The following RAB23 variants were observed in gnomAD, a reference collection of about 807,000 sequenced individuals.
RAB23 encodes the protein RAB23, member RAS oncogene family.
In RAB23, 15 loss-of-function variants were observed where a neutral mutation model predicts 30.0. The ratio of observed to expected loss-of-function variants is 0.50; its 90% CI spans 0.33 to 0.77. RAB23 has a LOEUF of 0.77. Among genes scored for constraint, RAB23 ranks in the 30% least tolerant of loss-of-function variants. The probability of loss-of-function intolerance (pLI) is 0.02; values close to 1 mark genes in which losing one functional copy is unlikely to be tolerated. For synonymous variants in RAB23, 93 were observed against 94.0 expected, an observed-to-expected ratio of 0.99 and a Z score of 0.06; for missense variants, 243 against 275.4, an observed-to-expected ratio of 0.88 and a Z score of 0.83.
chr6:57,208,394 C>T (rs1400097170), intron 2 of RAB23, among the ~76,000 whole-genome samples: 1 of 152,036 alleles, frequency 6.6e-6, no homozygotes, highest in Admixed American at 6.5e-5. Flanking sequence ...CGCCTGTAAT[C>T]CCAGCAATCT....
chr6:57,203,364 C>T (rs1314179529), intron 3 of RAB23, among the ~76,000 whole-genome samples: 1 of 152,020 alleles, frequency 6.6e-6, no homozygotes, highest in East Asian at 1.9e-4. Context: ...AAAAATAACC[C>T]TATTGGTTAA....
At chr6:57,195,845 T>C (rs1027635340) in intron 4 of RAB23, among the ~76,000 whole-genome samples, 5 of 152,214 alleles carry the variant, frequency 3.3e-5, no homozygotes, top group African/African-American at 7.2e-5. Context: ...TAATAGATGT[T>C]TGTTGTTTTA....
chr6:57,205,944 G>A (rs942688519), intron 3 of RAB23, among the ~76,000 whole-genome samples: 3 of 152,200 alleles, frequency 2.0e-5, no homozygotes, highest in African/African-American at 7.2e-5. Context: ...GTTAAGGCAA[G>A]AGAAAACACA....
intron 1 of RAB23, among the ~76,000 whole-genome samples, chr6:57,218,060 A>G (rs1765914358): frequency 6.6e-6 from 1 of 152,208 alleles, no homozygotes; most frequent in Admixed American, 6.5e-5. Flanking sequence ...CCCTATAACT[A>G]TGAAGGAAAT....
At chr6:57,217,213 C>CAAAAAA (rs759917434) in intron 1 of RAB23, among the ~76,000 whole-genome samples, 1 of 58,526 alleles carries the variant, frequency 1.7e-5, no homozygotes, top group African/African-American at 6.4e-5. Context: ...ACAAGGAAAG[C>CAAAAAA]AAAAAAAAAA....
rs1014934045 is a variant in RAB23, at chr6:57,188,860, C to T, written c.*1601G>A. On this transcript the variant is annotated 3_prime_UTR_variant, in exon 7 of 7. Transcript: ENST00000468148. ...TACTTTTGATCACTTAACAAGGACACACCCAGGAAATTTGATTTTCTCAAC... is the reference window on the plus strand; with the variant it reads ...TACTTTTGATCACTTAACAAGGACATACCCAGGAAATTTGATTTTCTCAAC... 1.3e-5 allele frequency: 2 copies of T among 152,026 alleles called. No homozygotes were observed. The highest frequency in any genetic ancestry group is 2.1e-4 in the South Asian group (1 of 4,820). 9.4% of individuals were successfully genotyped at this position (152,026 alleles called of 1,614,324 possible). A position where few individuals can be genotyped will look rare whatever the true frequency, so the allele number is the denominator to read the frequency against.
chr6:57,188,867 G>A lies in RAB23; in HGVS notation c.*1594C>T, dbSNP rs1207445849. ...GATCACTTAACAAGGACACACCCAGGAAATTTGATTTTCTCAACATTAGGA... is the reference window on the plus strand; with the variant it reads ...GATCACTTAACAAGGACACACCCAGAAAATTTGATTTTCTCAACATTAGGA... On this transcript the variant is annotated 3_prime_UTR_variant, in exon 7 of 7. Transcript: ENST00000468148. 1 of 152,038 alleles carries A rather than the reference G, an allele frequency of 6.6e-6. No homozygotes were observed. Among genetic ancestry groups the A allele is most frequent in the African/African-American group, 2.4e-5 (1 of 41,404 alleles). 9.4% of individuals were successfully genotyped at this position (152,038 alleles called of 1,614,324 possible). A position where few individuals can be genotyped will look rare whatever the true frequency, so the allele number is the denominator to read the frequency against.
Position 57,187,959 on chromosome 6 carries a change from A to G in RAB23, c.*2502T>C, listed in dbSNP as rs1056047454. The stretch of plus-strand genomic sequence containing the variant: ...TATATTGCCTTATATGGGTCATTCT[A>G]TATACTATTTAATTCATAGACAGAG... On this transcript the variant is annotated 3_prime_UTR_variant, in exon 7 of 7. Coordinates refer to ENST00000468148, the MANE Select transcript of RAB23 (RefSeq NM_016277.5). The G allele has an allele frequency of 2.6e-5, 4 of 151,236 alleles. No individual in the cohort carries two copies. Among genetic ancestry groups the G allele is most frequent in the African/African-American group, 7.3e-5 (3 of 40,898 alleles). The allele number at this position is 151,236 out of a possible 1,614,324, so 9.4% of individuals were successfully genotyped here. A position where few individuals can be genotyped will look rare whatever the true frequency, so the allele number is the denominator to read the frequency against.
chr6:57,211,292 AAAAAT>A (rs1765642911), intron 1 of RAB23, among the ~76,000 whole-genome samples: 1 of 152,018 alleles, frequency 6.6e-6, no homozygotes, highest in African/African-American at 2.4e-5. Flanking sequence ...TGCCACTAAA[AAAAAT>A]AAAATAAAAT....
In RAB23 at chr6:57,190,277, A is replaced by C; in HGVS notation, c.*184T>G. ...AATTAAAGGAGTCCACAGGGCAATA[A>C]TTTTTCCACCAGAGGTCTCACTCTA... On this transcript the variant is annotated 3_prime_UTR_variant, in exon 7 of 7. Transcript: ENST00000468148. 1 of 663,114 alleles carries C rather than the reference A, an allele frequency of 1.5e-6. No homozygotes were observed. The highest frequency in any genetic ancestry group is 2.5e-6 in the Non-Finnish European group (1 of 393,416). The allele number at this position is 663,114 out of a possible 1,614,324, so 41.1% of individuals were successfully genotyped here. A position where few individuals can be genotyped will look rare whatever the true frequency, so the allele number is the denominator to read the frequency against.
intron 5 of RAB23, among the ~76,000 whole-genome samples, chr6:57,194,433 C>A (rs1764945117): frequency 6.6e-6 from 1 of 151,890 alleles, no homozygotes; most frequent in Non-Finnish European, 1.5e-5. Context: ...AACTAACTAC[C>A]TAGTGGAATA....
Position 57,196,699 on chromosome 6 carries a change from GC to G in RAB23, c.242-94del, listed in dbSNP as rs1417525863. ...GAAAACAATCTCATGAAGAATGGGG[GC>G]AACTTTTATCCATTCAAAACAACTT... is the stretch of plus-strand genomic sequence containing the variant. On this transcript the variant is annotated intron_variant, in intron 3 of 6. Transcript: ENST00000468148. The G allele has an allele frequency of 4.7e-6, 7 of 1,504,458 alleles. No individual in the cohort carries two copies. In the African/African-American group the frequency reaches 8.3e-5, roughly 18 times the overall value. 93.2% of individuals were successfully genotyped at this position (1,504,458 alleles called of 1,614,324 possible). A position where few individuals can be genotyped will look rare whatever the true frequency, so the allele number is the denominator to read the frequency against.
intron 3 of RAB23, among the ~76,000 whole-genome samples, chr6:57,203,548 C>A (rs1765346847): frequency 6.6e-6 from 1 of 152,104 alleles, no homozygotes; most frequent in African/African-American, 2.4e-5. Flanking sequence ...TCTGGTGTTT[C>A]CACATAGGTT....
intron 3 of RAB23, among the ~76,000 whole-genome samples, chr6:57,199,565 G>GA (rs1482834437): frequency 6.6e-6 from 1 of 152,062 alleles, no homozygotes; most frequent in Non-Finnish European, 1.5e-5. Context: ...AACCACAGGA[G>GA]AAAAATGGAT....
At chr6:57,214,283 G>A (rs1213000138) in intron 1 of RAB23, among the ~76,000 whole-genome samples, 1 of 152,060 alleles carries the variant, frequency 6.6e-6, no homozygotes, top group Non-Finnish European at 1.5e-5. Context: ...GAGTCATCAT[G>A]ACCAGTAGTA....
chr6:57,212,863 G>A (rs915523796), intron 1 of RAB23, among the ~76,000 whole-genome samples: 2 of 152,084 alleles, frequency 1.3e-5, no homozygotes, highest in African/African-American at 4.8e-5. Flanking sequence ...CAGCTTGGGT[G>A]ACAGAGCGAG....
rs767578317 is a variant in RAB23 at position 57,190,588 on chromosome 6, G to A, written c.587C>T (p.Thr196Ile). The change falls in exon 7 of 7, where the codon ACA (threonine) becomes ATA (isoleucine). Residue 196 changes from threonine to isoleucine, a missense_variant. Transcript: ENST00000468148. ...CTGACCGGAGTGACTTCCACCAGAT[G>A]TATTAAAGACACCTGTATAAATTGA... Reference protein sequence around the residue: ...SSSNKIGVFNTSGGSHSGQNS... With the variant: ...SSSNKIGVFNISGGSHSGQNS... 2 of 1,614,006 alleles carry A rather than the reference G, an allele frequency of 1.2e-6. No homozygotes were observed. Among genetic ancestry groups the A allele is most frequent in the Non-Finnish European group, 1.7e-6 (2 of 1,179,908 alleles).
At chr6:57,194,192 T>C (rs1484899033) in intron 5 of RAB23, among the ~76,000 whole-genome samples, 1 of 152,096 alleles carries the variant, frequency 6.6e-6, no homozygotes, top group African/African-American at 2.4e-5. Context: ...CTTCTAAGTA[T>C]CTGAATAGTG....
intron 1 of RAB23, among the ~76,000 whole-genome samples, chr6:57,218,052 C>T (rs977804444): frequency 3.6e-4 from 54 of 152,112 alleles, no homozygotes; most frequent in African/African-American, 1.3e-3. Flanking sequence ...TTGAATACCC[C>T]TATAACTATG....
Sources: gnomAD v4.1 joint callset for allele counts (sites outside exome capture counted in the v4.1 genomes callset) on GRCh38, gnomAD v4.1.1 for gene constraint, MANE v1.5 for transcripts, NCBI Gene and HGNC (gene_info 2026-07-23, HGNC 2026-07-21) for gene names.